CDC42BPA: variants seen among roughly 807,000 people sequenced by gnomAD.
The protein encoded by CDC42BPA is CDC42 binding protein kinase alpha.
A neutral mutation model predicts 223.5 loss-of-function variants in CDC42BPA; 80 were observed. The ratio of observed to expected loss-of-function variants is 0.36; its 90% CI spans 0.30 to 0.43. The LOEUF (loss-of-function observed/expected upper bound fraction) is 0.43, where lower values mean the gene tolerates loss of function less well. Among genes scored for constraint, CDC42BPA ranks in the 20% least tolerant of loss-of-function variants. The pLI is 1.00. For missense variants in CDC42BPA, 1,743 were observed against 2,099.9 expected, an observed-to-expected ratio of 0.83 and a Z score of 3.32; for synonymous variants, 694 against 718.6, an observed-to-expected ratio of 0.97 and a Z score of 0.55.
intron 34 of CDC42BPA, among the ~76,000 whole-genome samples, chr1:227,008,795 C>T (rs1464291749): frequency 2.0e-5 from 3 of 152,136 alleles, no homozygotes; most frequent in Non-Finnish European, 4.4e-5. Flanking sequence ...TACATGCCAT[C>T]TACATCAATT....
intron 2 of CDC42BPA, among the ~76,000 whole-genome samples, chr1:227,225,224 C>G (rs1174210600): frequency 2.0e-5 from 3 of 152,028 alleles, no homozygotes; most frequent in Non-Finnish European, 4.4e-5. Flanking sequence ...AAAAATATCC[C>G]TCAAATTACA....
At chr1:227,166,019 C>T (rs559010530) in intron 5 of CDC42BPA, among the ~76,000 whole-genome samples, 1 of 152,296 alleles carries the variant, frequency 6.6e-6, no homozygotes, top group Admixed American at 6.5e-5. Context: ...AGATCATCTG[C>T]AGTCCGCAAT....
intron 2 of CDC42BPA, chr1:227,234,953 G>A (rs1476625014): frequency 6.6e-6 from 1 of 151,186 alleles, no homozygotes; most frequent in Non-Finnish European, 1.5e-5. Flanking sequence ...GTTAGTGTTA[G>A]TGTATTTTAT....
chr1:227,029,954 G>C (rs576404823), intron 29 of CDC42BPA, among the ~76,000 whole-genome samples: 1 of 152,042 alleles, frequency 6.6e-6, no homozygotes, highest in Non-Finnish European at 1.5e-5. Context: ...GGCCAACATG[G>C]AGAAACCTCA....
intron 34 of CDC42BPA, among the ~76,000 whole-genome samples, chr1:227,009,794 C>T (rs574414067): frequency 1.9e-4 from 29 of 151,984 alleles, no homozygotes; most frequent in South Asian, 6.3e-4. Context: ...CTTATTTTAT[C>T]GTGGTTAATT....
chr1:227,128,996 A>C, intron 11 of CDC42BPA, 113 bp downstream of exon 11: 1 of 730,946 alleles, frequency 1.4e-6, no homozygotes, highest in Non-Finnish European at 2.2e-6. Context: ...CCTGACTAGC[A>C]TGCAACTCAC....
intron 32 of CDC42BPA, 21 bp downstream of exon 32, chr1:227,023,242 T>TGA (rs1444306975): frequency 9.1e-7 from 1 of 1,098,166 alleles, no homozygotes; most frequent in Admixed American, 1.9e-5. Flanking sequence ...GCTATCCCTA[T>TGA]GAATATATGT....
intron 21 of CDC42BPA, among the ~76,000 whole-genome samples, chr1:227,054,692 T>G (rs962128072): frequency 3.9e-5 from 6 of 152,138 alleles, no homozygotes; most frequent in African/African-American, 1.4e-4. Flanking sequence ...AGTCTTATTC[T>G]CCTAACTAGT....
At chr1:227,068,495 C>T (rs1041193852) in intron 21 of CDC42BPA, 2 of 190,670 alleles carry the variant, frequency 1.0e-5, no homozygotes, top group African/African-American at 4.8e-5. Context: ...CTGATAAATC[C>T]TTCATTATAT....
intron 5 of CDC42BPA, chr1:227,182,863 C>T (rs12044287): frequency 0.2 from 31,029 of 152,182 alleles, 3,275 homozygotes; most frequent in East Asian, 0.26. Flanking sequence ...CTTTCTTCTT[C>T]CAGTGCATGA....
Position 227,028,761 on chromosome 1 carries a change from T to C in CDC42BPA, c.4328A>G (p.Lys1443Arg). 1 of 1,614,150 alleles carries C rather than the reference T, an allele frequency of 6.2e-7. No individual in the cohort carries two copies. The highest frequency in any genetic ancestry group is 8.5e-7 in the Non-Finnish European group (1 of 1,179,980). Residue 1443 changes from lysine to arginine, a missense_variant, in exon 30 of 37, where the codon AAA becomes AGA. Coordinates refer to ENST00000366766, the MANE Select transcript of CDC42BPA (RefSeq NM_001394014.1). ...DAICAVEISS[K>R]EYLLCFNSIG... ...GCTGTTAAAACACAGCAGATATTCT[T>C]TACTGGAGATCTCAACTGCGCAGAT...
chr1:227,142,681 G>A (rs544166687), intron 9 of CDC42BPA, among the ~76,000 whole-genome samples: 29 of 151,546 alleles, frequency 1.9e-4, no homozygotes, highest in Admixed American at 1.4e-3. Flanking sequence ...CTGCAATGGC[G>A]CAGTCTCGGC....
Position 227,297,954 on chromosome 1 carries a change from G to GTGTGTA in CDC42BPA, c.178+19050_178+19051insTACACA, listed in dbSNP as rs1553440379. 3.5e-4 allele frequency among the ~76,000 whole-genome samples: 45 copies of GTGTGTA among 127,106 alleles called. 1 individual carries two copies. The South Asian group carries it at 6.1e-3, about 17-fold the overall frequency. 83.4% of individuals were successfully genotyped at this position (127,106 alleles called of 152,430 possible). On this transcript the variant is annotated intron_variant, in intron 1 of 36. Transcript: ENST00000366766. Reference sequence around the variant, plus strand: ...AATTTTGTTTTATGTGTGTGTGTGTGTATATATACATATACACACACACAC... The same window carrying GTGTGTA: ...AATTTTGTTTTATGTGTGTGTGTGTGTGTGTATATATATACATATACACACACACAC...
intron 12 of CDC42BPA, among the ~76,000 whole-genome samples, chr1:227,114,671 T>C (rs866424775): frequency 2.0e-5 from 3 of 152,158 alleles, no homozygotes; most frequent in Non-Finnish European, 4.4e-5. Flanking sequence ...TCCAAAAAAT[T>C]TGAAATCTGA....
intron 3 of CDC42BPA, among the ~76,000 whole-genome samples, chr1:227,205,279 AAAAAAT>A (rs1558757466): frequency 9.5e-4 from 47 of 49,544 alleles, no homozygotes; most frequent in Middle Eastern, 0.01. Context: ...AAAAAAAAAA[AAAAAAT>A]ATATATATAT....
chr1:227,238,038 C>CCA (rs1679386065), intron 2 of CDC42BPA, among the ~76,000 whole-genome samples: 1 of 91,302 alleles, frequency 1.1e-5, no homozygotes, highest in African/African-American at 4.6e-5. Flanking sequence ...AACTCTGTCT[C>CCA]AAAAAAAAAA....
At position 226,994,718 on chromosome 1, in the gene CDC42BPA, C is replaced by T. The variant is rs968834186; in HGVS notation, c.5133+105G>A. The T allele has an allele frequency of 4.1e-6, 5 of 1,233,452 alleles. No individual in the cohort carries two copies. Among genetic ancestry groups the T allele is most frequent in the Non-Finnish European group, 5.6e-6 (5 of 887,700 alleles). The allele number at this position is 1,233,452 out of a possible 1,614,324, so 76.4% of individuals were successfully genotyped here. The stretch of plus-strand genomic sequence containing the variant: ...CCAAGAGTGAATGCTGGCCCCTGAC[C>T]CCGAACCCTGCTGCAGCTGAGGCCA... On this transcript the variant is annotated intron_variant, in intron 36 of 36. Coordinates refer to ENST00000366766, the MANE Select transcript of CDC42BPA (RefSeq NM_001394014.1). This position sits in a 1 kb window ranked among gnomAD's most constrained non-coding sequence, Gnocchi z 4.0.
chr1:227,079,775 G>A (rs981973522), intron 17 of CDC42BPA, among the ~76,000 whole-genome samples: 2 of 151,722 alleles, frequency 1.3e-5, no homozygotes, highest in South Asian at 4.2e-4. Flanking sequence ...CCCTACAAAT[G>A]ACTGATCTAT....
chr1:227,238,465 C>T (rs1679469739), intron 2 of CDC42BPA, among the ~76,000 whole-genome samples: 4 of 152,122 alleles, frequency 2.6e-5, no homozygotes, highest in Admixed American at 2.6e-4. Context: ...AATACAACCA[C>T]ATCCATCATT....
Sources: gnomAD v4.1 joint callset for allele counts (sites outside exome capture counted in the v4.1 genomes callset) on GRCh38, gnomAD v4.1.1 for gene constraint, Gnocchi (gnomAD v3.1) non-coding constraint, MANE v1.5 for transcripts, NCBI Gene and HGNC (gene_info 2026-07-23, HGNC 2026-07-21) for gene names.